Variants in EXOC6B observed in about 807,000 individuals in gnomAD.
EXOC6B encodes the protein exocyst complex component 6B.
Under a neutral mutation model 113.5 loss-of-function variants are expected in EXOC6B, and 54 were observed. That is an observed-to-expected ratio of 0.48 (90% confidence interval 0.38 to 0.60). The LOEUF (loss-of-function observed/expected upper bound fraction) is 0.60, where lower values mean the gene tolerates loss of function less well. Among genes scored for constraint, EXOC6B ranks in the 20% least tolerant of loss-of-function variants. The probability of loss-of-function intolerance (pLI) is 0.00; values close to 1 mark genes in which losing one functional copy is unlikely to be tolerated. For synonymous variants in EXOC6B, 357 were observed against 339.0 expected (o/e 1.05, Z -0.58); for missense variants, 797 against 977.5 (o/e 0.82, Z 2.46).
intron 8 of EXOC6B, among the ~76,000 whole-genome samples, chr2:72,539,837 C>T (rs537770068): frequency 7.9e-5 from 12 of 151,780 alleles, no homozygotes; most frequent in East Asian, 5.8e-4. Flanking sequence ...AGGTTACATG[C>T]GCACAATGTG....
chr2:72,517,991 T>C (rs959298811), intron 8 of EXOC6B, among the ~76,000 whole-genome samples: 1 of 152,196 alleles, frequency 6.6e-6, no homozygotes, highest in African/African-American at 2.4e-5. Context: ...TGGAGTTTCC[T>C]TAGTGGCTGC....
At chr2:72,523,780 C>CAAAAA (rs11334254) in intron 8 of EXOC6B, among the ~76,000 whole-genome samples, 32 of 63,722 alleles carry the variant, frequency 5.0e-4, no homozygotes, top group African/African-American at 1.2e-3. Flanking sequence ...GACTCCATCT[C>CAAAAA]AAAAAAAAAA....
At chr2:72,766,285 A>G (rs1316717234) in intron 1 of EXOC6B, among the ~76,000 whole-genome samples, 1 of 152,180 alleles carries the variant, frequency 6.6e-6, no homozygotes, top group Non-Finnish European at 1.5e-5. Context: ...TGCCTTACCA[A>G]AAGTGGGAGC....
intron 17 of EXOC6B, among the ~76,000 whole-genome samples, chr2:72,473,340 T>G (rs1698527111): frequency 6.6e-6 from 1 of 152,148 alleles, no homozygotes; most frequent in African/African-American, 2.4e-5. Flanking sequence ...CAATATTTGC[T>G]TTATGAATCT....
intron 6 of EXOC6B, among the ~76,000 whole-genome samples, chr2:72,585,621 A>T (rs1705517551): frequency 6.6e-6 from 1 of 152,048 alleles, no homozygotes; most frequent in African/African-American, 2.4e-5. Flanking sequence ...GTGATATTAC[A>T]AGAGATACCA....
rs141382645 is a variant in EXOC6B at position 72,419,674 on chromosome 2, T to A, written c.1981-39804A>T. The stretch of plus-strand genomic sequence containing the variant: ...TTTCTGATGCGATATGTGCTCATAG[T>A]TTTATCAAGGATTCCTTGTATGTGA... On this transcript the variant is annotated intron_variant, in intron 18 of 21. Transcript: ENST00000272427. Among the ~76,000 whole-genome samples the A allele has an allele frequency of 4.8e-3, 736 of 152,346 alleles. 9 individuals carry two copies. Among genetic ancestry groups the A allele is most frequent in the African/African-American group, 0.016 (683 of 41,582 alleles).
chr2:72,784,016 C>T lies in EXOC6B; in HGVS notation c.113+41782G>A, dbSNP rs909711930. On this transcript the variant is annotated intron_variant, in intron 1 of 21. Coordinates refer to ENST00000272427, the MANE Select transcript of EXOC6B (RefSeq NM_015189.3). ...GTTTATGTTAAATCCTTCTTGAGTT[C>T]ATTTTTGTAAACGGTGAGGGGGTCC... 5.1e-4 allele frequency among the ~76,000 whole-genome samples: 77 copies of T among 152,120 alleles called. 1 individual carries two copies. Among genetic ancestry groups the T allele is most frequent in the Non-Finnish European group, 1.6e-4 (11 of 68,008 alleles).
chr2:72,220,860 G>C (rs1680825032), intron 20 of EXOC6B, among the ~76,000 whole-genome samples: 1 of 152,124 alleles, frequency 6.6e-6, no homozygotes, highest in African/African-American at 2.4e-5. Flanking sequence ...GGTATAATAG[G>C]TGTACATAGT....
intron 2 of EXOC6B, among the ~76,000 whole-genome samples, chr2:72,737,142 G>A (rs1218156486): frequency 6.6e-6 from 1 of 152,004 alleles, no homozygotes; most frequent in Non-Finnish European, 1.5e-5. Context: ...TTCAAGACCA[G>A]CCTGGCCAAC....
chr2:72,352,584 T>G (rs947019716), intron 19 of EXOC6B, among the ~76,000 whole-genome samples: 43 of 152,216 alleles, frequency 2.8e-4, no homozygotes, highest in African/African-American at 9.9e-4. Context: ...ATACTAGAAG[T>G]AGATTAAATA....
At chr2:72,526,088 G>C (rs925966652) in intron 8 of EXOC6B, among the ~76,000 whole-genome samples, 17 of 151,982 alleles carry the variant, frequency 1.1e-4, no homozygotes, top group Admixed American at 2.0e-4. Context: ...AAACTGCTAA[G>C]GTAATTCACA....
chr2:72,446,042 T>C (rs1023010030), intron 18 of EXOC6B, among the ~76,000 whole-genome samples: 2 of 152,310 alleles, frequency 1.3e-5, no homozygotes, highest in East Asian at 3.9e-4. Context: ...TACACTGTTT[T>C]GGGGAGTGTA....
intron 6 of EXOC6B, among the ~76,000 whole-genome samples, chr2:72,630,079 A>G (rs1672294008): frequency 6.6e-6 from 1 of 152,210 alleles, no homozygotes; most frequent in African/African-American, 2.4e-5. Flanking sequence ...GTAGCATTAT[A>G]TAGGCCAAGC....
intron 1 of EXOC6B, among the ~76,000 whole-genome samples, chr2:72,766,072 G>A (rs569261816): frequency 6.6e-6 from 1 of 152,304 alleles, no homozygotes; most frequent in East Asian, 1.9e-4. Context: ...GAAGCCAACA[G>A]AATGTTAGGT....
intron 18 of EXOC6B, among the ~76,000 whole-genome samples, chr2:72,436,387 C>A (rs1474072530): frequency 6.6e-6 from 1 of 152,090 alleles, no homozygotes; most frequent in African/African-American, 2.4e-5. Context: ...CGGGGTTACT[C>A]TTCTCAAAGA....
intron 20 of EXOC6B, among the ~76,000 whole-genome samples, chr2:72,284,940 A>G (rs1186311847): frequency 1.3e-5 from 2 of 152,144 alleles, no homozygotes; most frequent in Non-Finnish European, 1.5e-5. Context: ...CAAGATCTAC[A>G]TGAGAAAAAC....
intron 1 of EXOC6B, among the ~76,000 whole-genome samples, chr2:72,764,226 ACC>A (rs1006872290): frequency 6.6e-6 from 1 of 151,810 alleles, no homozygotes. Context: ...ATACTTATAT[ACC>A]CCTTTTAGTT....
chr2:72,331,919 T>C (rs1688436203), intron 20 of EXOC6B, among the ~76,000 whole-genome samples: 1 of 152,130 alleles, frequency 6.6e-6, no homozygotes, highest in South Asian at 2.1e-4. Context: ...TGAAATTCTA[T>C]AACTTTTAAA....
In EXOC6B at chr2:72,777,136, G is replaced by C. The variant is rs537308094; in HGVS notation, c.114-35667C>G. On this transcript the variant is annotated intron_variant, in intron 1 of 21. Coordinates refer to ENST00000272427, the MANE Select transcript of EXOC6B (RefSeq NM_015189.3). ...CATGCCTGTAATCCCAGCTACTTGG[G>C]AGGCTAAGGCAGGAGAATCGCTTGA... is the stretch of plus-strand genomic sequence containing the variant. Among the ~76,000 whole-genome samples, 26 of 152,316 alleles carry C rather than the reference G, an allele frequency of 1.7e-4. 2 individuals carry two copies. The highest frequency in any genetic ancestry group is 4.6e-4 in the African/African-American group (19 of 41,580).
Sources: allele counts gnomAD v4.1 joint callset (sites outside exome capture counted in the v4.1 genomes callset), GRCh38; gene constraint gnomAD v4.1.1; transcripts MANE v1.5; gene names NCBI Gene and HGNC (gene_info 2026-07-23, HGNC 2026-07-21).